HELZ2: variants seen among roughly 807,000 people sequenced by gnomAD.
HELZ2 encodes the protein helicase with zinc finger 2.
Under a neutral mutation model 208.8 loss-of-function variants are expected in HELZ2, and 143 were observed. The observed-to-expected ratio is 0.68, with a 90% confidence interval of 0.60 to 0.79. The LOEUF is 0.79. Among genes scored for constraint, HELZ2 ranks in the 30% least tolerant of loss-of-function variants. The probability of loss-of-function intolerance (pLI) is 0.00; values close to 1 mark genes in which losing one functional copy is unlikely to be tolerated. For synonymous variants in HELZ2, 1,705 were observed against 1,693.7 expected (o/e 1.01, Z -0.16); for missense variants, 3,690 against 3,794.5 (o/e 0.97, Z 0.72).
At chr20:63,559,077 C>A, downstream of HELZ2, 2 of 706,198 alleles carry the variant, frequency 2.8e-6, no homozygotes, top group East Asian at 3.0e-5. Flanking sequence ...GTGTGGGGAC[C>A]GGCCCTTGCC....
chr20:63,565,626 C>G, exon 8 of HELZ2: 5 of 1,610,730 alleles, frequency 3.1e-6, no homozygotes, highest in Middle Eastern at 3.3e-4. Context: ...TTGAGCTCCC[C>G]GTCCCACGGC....
exon 11 of HELZ2, chr20:63,561,967 C>A: frequency 6.3e-7 from 1 of 1,595,478 alleles, no homozygotes; most frequent in Non-Finnish European, 8.6e-7. Context: ...TGGAGGCCCA[C>A]GATCGTCTTC....
intron 3 of HELZ2, chr20:63,570,149 G>A (rs546195005): frequency 8.2e-5 from 32 of 388,242 alleles, no homozygotes; most frequent in East Asian, 3.8e-4. Flanking sequence ...CAGTAGAGAC[G>A]GAGTTTCACC....
chr20:63,568,757 G>T (rs1283147065), exon 5 of HELZ2: 1 of 1,604,472 alleles, frequency 6.2e-7, no homozygotes, highest in African/African-American at 1.3e-5. Context: ...CAGCCACAGC[G>T]CCTGCTCTGA....
rs376867462 is a variant in HELZ2, at chr20:63,562,057, C to T, written c.6529+15G>A. 523 of 1,584,148 alleles carry T rather than the reference C, an allele frequency of 3.3e-4. 1 individual carries two copies. The highest frequency in any genetic ancestry group is 5.1e-4 in the Admixed American group (30 of 58,516). ...GGCCCAAGGCAGCCTGCGGCTCCCCCGGCATGGGCCCTACCTGGTGGGCCC... is the reference window on the plus strand; with the variant it reads ...GGCCCAAGGCAGCCTGCGGCTCCCCTGGCATGGGCCCTACCTGGTGGGCCC... On this transcript the variant is annotated intron_variant, in intron 10 of 18. Transcript: ENST00000467148.
chr20:63,574,073 C>T (rs1404393888), upstream of HELZ2: 1 of 145,382 alleles, frequency 6.9e-6, no homozygotes, highest in South Asian at 2.3e-4. Flanking sequence ...CCTCCCGGAC[C>T]CCCCCCTCCG....
At chr20:63,566,911 T>A in exon 6 of HELZ2, 1 of 1,609,454 alleles carries the variant, frequency 6.2e-7, no homozygotes, top group East Asian at 2.2e-5. Context: ...GGGCCAGGTG[T>A]TGTAGGCCTC....
exon 11 of HELZ2, chr20:63,561,832 C>T (rs1166120550): frequency 1.3e-6 from 2 of 1,562,596 alleles, no homozygotes; most frequent in African/African-American, 1.4e-5. Context: ...CCTGCCAGGA[C>T]ATCCACCGAC....
chr20:63,565,708 G>C (rs930100376), exon 8 of HELZ2: 1 of 1,607,492 alleles, frequency 6.2e-7, no homozygotes, highest in Non-Finnish European at 8.5e-7. Flanking sequence ...CTGCCGCACA[G>C]GCCCCGGGCA....
rs780708287 is a variant in HELZ2, at chr20:63,565,518, C to G, written c.3304G>C (p.Glu1102Gln). ...TACAGCCGGGCCTGCTGCAGGGACT[C>G]GGGCCTGGCGACAGTGTCCAGCAGC... Residue 1102 changes from glutamate to glutamine, a missense_variant, in exon 8 of 19, where the codon GAG (glutamate) becomes CAG (glutamine). Glu to Gln is a conservative substitution (Grantham distance 29, BLOSUM62 2). Around this residue, in one of 3 missense-constraint regions of HELZ2, gnomAD observed 2,564 missense variants for 2,580.5 expected, o/e 0.99. Transcript: ENST00000467148. 10 of 1,606,408 alleles carry G rather than the reference C, an allele frequency of 6.2e-6. No homozygotes were observed. The African/African-American group carries it at 1.3e-4, about 21-fold the overall frequency.
chr20:63,558,178 G>A (rs2082835076), downstream of HELZ2: 1 of 152,538 alleles, frequency 6.6e-6, no homozygotes, highest in Non-Finnish European at 1.5e-5. Flanking sequence ...GGTGGGGCAA[G>A]CCCCTCCCTC....
At chr20:63,570,961 G>A in intron 1 of HELZ2, 93 bp from the exon 3 acceptor site, 1 of 987,394 alleles carries the variant, frequency 1.0e-6, no homozygotes, top group East Asian at 2.6e-5. Flanking sequence ...ACTGGCCTCT[G>A]TAGGGAGCAG....
At chr20:63,573,389 C>A (rs1052807482), upstream of HELZ2, among the ~76,000 whole-genome samples, 1 of 152,202 alleles carries the variant, frequency 6.6e-6, no homozygotes, top group Non-Finnish European at 1.5e-5. This position sits in a 1 kb window ranked among gnomAD's most constrained non-coding sequence, Gnocchi z 4.9. Context: ...CACCCTGACG[C>A]CCAAGTGGAG....
chr20:63,565,050 CG>C lies in HELZ2; in HGVS notation c.3771del (p.Glu1258ArgfsTer49). ...CAGAAGAGCCGGCTGTGCCGGGCCTCGGCGGTGAGCCTCTCAAGCCCCACAC... is the reference window on the plus strand; with the variant it reads ...CAGAAGAGCCGGCTGTGCCGGGCCTCGCGGTGAGCCTCTCAAGCCCCACAC... On this transcript the variant is annotated frameshift_variant, in exon 8 of 19. Transcript: ENST00000467148. LOFTEE classifies it high-confidence loss of function. 2 of 1,562,478 alleles carry C rather than the reference CG, an allele frequency of 1.3e-6. No homozygotes were observed. Among genetic ancestry groups the C allele is most frequent in the Non-Finnish European group, 8.7e-7 (1 of 1,152,242 alleles).
At chr20:63,565,374 C>T (rs752319650) in exon 8 of HELZ2, 9 of 1,608,238 alleles carry the variant, frequency 5.6e-6, no homozygotes, top group Non-Finnish European at 7.6e-6. Context: ...CCCGAGGAGG[C>T]ATCGTCCAGC....
In HELZ2 at chr20:63,562,304, C is replaced by T. The variant is rs773838833; in HGVS notation, c.6381G>A (p.Pro2127=). 24 of 1,597,200 alleles carry T rather than the reference C, an allele frequency of 1.5e-5. No homozygotes were observed. Among genetic ancestry groups the T allele is most frequent in the South Asian group, 4.4e-5 (4 of 90,420 alleles). Residue 2127 remains proline, a synonymous_variant, in exon 9 of 19, where the codon CCG becomes CCA. Transcript: ENST00000467148. The stretch of plus-strand genomic sequence containing the variant: ...CAGACCTACCTCTGCAGAGGGGCTG[C>T]GGGACAGGCCGGCCCAGTGCGATGC...
rs34418613 is a variant in HELZ2 at position 63,567,466 on chromosome 20, C to T, written c.1892G>A (p.Arg631His). Residue 631 changes from arginine (R) to histidine (H), a missense_variant, in exon 6 of 19, where the codon CGC becomes CAC. Transcript: ENST00000467148. ...CGCCAGCTCTGCCCGTGTGGGCGGG[C>T]GGAAAGCCTGGCGGTCGTCGGTCAG... 1.7e-3 allele frequency: 2,684 copies of T among 1,557,302 alleles called. 30 individuals are homozygous for T. The African/African-American group carries it at 0.027, about 16-fold the overall frequency.
chr20:63,566,864 C>G (rs1393318776), exon 6 of HELZ2: 12 of 1,602,558 alleles, frequency 7.5e-6, no homozygotes, highest in Non-Finnish European at 1.0e-5. Flanking sequence ...TGGGAAACGA[C>G]ACAGATGCAC....
At chr20:63,573,444 G>A (rs2083032284), upstream of HELZ2, among the ~76,000 whole-genome samples, 1 of 152,136 alleles carries the variant, frequency 6.6e-6, no homozygotes, top group African/African-American at 2.4e-5. The surrounding 1 kb of genome is among the most constrained non-coding windows in gnomAD (Gnocchi z 4.9). Flanking sequence ...AGGGCTCACT[G>A]ACCCGGACAC....
Sources: gnomAD v4.1 joint callset for allele counts (sites outside exome capture counted in the v4.1 genomes callset) on GRCh38, gnomAD v4.1.1 for gene constraint, gnomAD v4.1.1 regional missense constraint, Gnocchi (gnomAD v3.1) non-coding constraint, MANE v1.5 for transcripts, NCBI Gene and HGNC (gene_info 2026-07-23, HGNC 2026-07-21) for gene names.